The following LAMA2 variants were observed in gnomAD, a reference collection of about 807,000 sequenced individuals.
LAMA2 encodes laminin subunit alpha-2.
Under a neutral mutation model 364.8 loss-of-function variants are expected in LAMA2, and 269 were observed. That is an observed-to-expected ratio of 0.74 (90% confidence interval 0.67 to 0.82). LAMA2 has a LOEUF of 0.82. LAMA2 is among the 40% of genes least tolerant of loss of function. The pLI, the probability that LAMA2 is intolerant of heterozygous loss-of-function variation, is 0.00. For synonymous variants in LAMA2, 1,379 were observed against 1,370.6 expected (o/e 1.01, Z -0.14); for missense variants, 3,807 against 3,873.2 (o/e 0.98, Z 0.45).
rs878908587 is a variant in LAMA2, at chr6:129,465,089, C to T, written c.7156-56C>T. On this transcript the variant is annotated intron_variant, in intron 50 of 64. Coordinates refer to ENST00000421865, the MANE Select transcript of LAMA2 (RefSeq NM_000426.4). ...ACATAAACCACACAAGAAAAGTGAA[C>T]ACTCATATACTTCTCTGTGTATCTA... is the stretch of plus-strand genomic sequence containing the variant. 5.0e-6 allele frequency: 7 copies of T among 1,387,848 alleles called. No individual in the cohort carries two copies. The Admixed American group carries it at 1.0e-4, about 20-fold the overall frequency. The allele number at this position is 1,387,848 out of a possible 1,614,324, so 86.0% of individuals were successfully genotyped here.
intron 37 of LAMA2, among the ~76,000 whole-genome samples, chr6:129,399,785 C>T (rs1404407132): frequency 1.3e-5 from 2 of 151,960 alleles, no homozygotes; most frequent in African/African-American, 2.4e-5. Context: ...CTGAATTGGT[C>T]GGTGAAGGGA....
intron 1 of LAMA2, among the ~76,000 whole-genome samples, chr6:128,944,169 G>C (rs1384731332): frequency 6.6e-6 from 1 of 152,158 alleles, no homozygotes; most frequent in Non-Finnish European, 1.5e-5. Context: ...GTTTCTCAAA[G>C]AATAGTCTAT....
intron 35 of LAMA2, among the ~76,000 whole-genome samples, chr6:129,387,555 G>A (rs1385277178): frequency 6.6e-6 from 1 of 152,124 alleles, no homozygotes; most frequent in East Asian, 1.9e-4. Context: ...CCATAACTGG[G>A]TATATACCCA....
In LAMA2 at chr6:129,492,015, T is replaced by C. The variant is rs1784888951; in HGVS notation, c.8013T>C (p.Pro2671=). 1.2e-6 allele frequency: 2 copies of C among 1,614,000 alleles called. No individual in the cohort carries two copies. Among genetic ancestry groups the C allele is most frequent in the Admixed American group, 1.7e-5 (1 of 60,016 alleles). Residue 2671 remains proline, a synonymous_variant, in exon 57 of 65, where the codon CCT becomes CCC. Coordinates refer to ENST00000421865, the MANE Select transcript of LAMA2 (RefSeq NM_000426.4). ...GGGGTGCTCCACCTGAATTTCAACCTTCCCCACTCAGAAATATTCCTCCTT... is the reference window on the plus strand; with the variant it reads ...GGGGTGCTCCACCTGAATTTCAACCCTCCCCACTCAGAAATATTCCTCCTT... ...FVGGAPPEFQ[P]SPLRNIPPFE... is the part of the protein sequence containing the mutation.
chr6:129,079,389 T>C (rs1773885979), intron 3 of LAMA2, among the ~76,000 whole-genome samples: 2 of 73,300 alleles, frequency 2.7e-5, no homozygotes, highest in South Asian at 1.3e-3. Flanking sequence ...ATGAGGGTCT[T>C]AGGATGTATC....
chr6:129,410,427 A>T (rs545529962), intron 40 of LAMA2, among the ~76,000 whole-genome samples: 15 of 152,208 alleles, frequency 9.9e-5, no homozygotes, highest in African/African-American at 3.6e-4. Context: ...CATTTTGTAA[A>T]ACTTTCTCTC....
At chr6:128,963,722 A>G (rs955768154) in intron 1 of LAMA2, among the ~76,000 whole-genome samples, 7 of 152,082 alleles carry the variant, frequency 4.6e-5, no homozygotes, top group Non-Finnish European at 7.4e-5. Context: ...TGCTTTTCCT[A>G]TGGCCAAAAC....
chr6:128,887,638 G>T (rs760691343), intron 1 of LAMA2, among the ~76,000 whole-genome samples: 1 of 152,090 alleles, frequency 6.6e-6, no homozygotes, highest in South Asian at 2.1e-4. Context: ...GGAGGCCTAG[G>T]TGGGTGGATC....
At chr6:128,958,742 G>A (rs2114586973) in intron 1 of LAMA2, among the ~76,000 whole-genome samples, 1 of 152,208 alleles carries the variant, frequency 6.6e-6, no homozygotes, top group Non-Finnish European at 1.5e-5. Flanking sequence ...ACCTTTCGAA[G>A]AGTCAAATAA....
intron 56 of LAMA2, among the ~76,000 whole-genome samples, chr6:129,487,631 G>T (rs7740552): frequency 0.63 from 95,510 of 151,580 alleles, 31,067 homozygotes; most frequent in Non-Finnish European, 0.72. Context: ...TATCCTCTTG[G>T]GGAAAACATT....
intron 12 of LAMA2, among the ~76,000 whole-genome samples, chr6:129,205,647 C>T (rs1266946795): frequency 6.6e-6 from 1 of 151,722 alleles, no homozygotes; most frequent in Non-Finnish European, 1.5e-5. Context: ...ACACTCGTGC[C>T]ATCAAACACT....
chr6:129,231,358 A>G (rs1784658360), intron 12 of LAMA2, among the ~76,000 whole-genome samples: 1 of 152,130 alleles, frequency 6.6e-6, no homozygotes, highest in South Asian at 2.1e-4. Flanking sequence ...TGTATGGAGC[A>G]TTCATGCATA....
At chr6:129,387,852 T>G (rs1487815807) in intron 35 of LAMA2, among the ~76,000 whole-genome samples, 2 of 152,144 alleles carry the variant, frequency 1.3e-5, no homozygotes, top group African/African-American at 2.4e-5. Flanking sequence ...AGTTGAACAG[T>G]GAGAACACAT....
intron 32 of LAMA2, among the ~76,000 whole-genome samples, chr6:129,360,253 T>A (rs1034728789): frequency 6.6e-6 from 1 of 152,172 alleles, no homozygotes; most frequent in Non-Finnish European, 1.5e-5. Flanking sequence ...AATGTGAATA[T>A]TCCATGTCTC....
chr6:129,295,236 G>A (rs966228741), intron 20 of LAMA2, among the ~76,000 whole-genome samples: 3 of 151,946 alleles, frequency 2.0e-5, no homozygotes, highest in Non-Finnish European at 4.4e-5. Context: ...GGGTTGTCCT[G>A]AGGAGTAAAT....
intron 1 of LAMA2, among the ~76,000 whole-genome samples, chr6:128,931,956 G>A (rs1364655393): frequency 1.3e-5 from 2 of 151,950 alleles, no homozygotes; most frequent in African/African-American, 4.8e-5. Flanking sequence ...TTCTCCAACT[G>A]CTTTAAAAGC....
At position 128,987,262 on chromosome 6, in the gene LAMA2, C is replaced by G. The variant is rs372335249; in HGVS notation, c.113-62656C>G. 3.6e-4 allele frequency among the ~76,000 whole-genome samples: 55 copies of G among 150,908 alleles called. No homozygotes were observed. The East Asian group carries it at 9.0e-3, about 25-fold the overall frequency. ...TCAAGTGAGTCTTCTGCTTCAGCCT[C>G]CCTAGTAGCTAAGACTACAGGCGTG... On this transcript the variant is annotated intron_variant, in intron 1 of 64. Coordinates refer to ENST00000421865, the MANE Select transcript of LAMA2 (RefSeq NM_000426.4).
intron 1 of LAMA2, among the ~76,000 whole-genome samples, chr6:128,906,558 G>T (rs1279298389): frequency 1.3e-5 from 2 of 148,982 alleles, no homozygotes; most frequent in African/African-American, 5.0e-5. Flanking sequence ...TGAGTAGGTT[G>T]CGAAAATTTT....
At chr6:129,516,088 C>T in intron 64 of LAMA2, 102 bp from the exon 65 acceptor site, 3 of 1,255,722 alleles carry the variant, frequency 2.4e-6, no homozygotes, top group Admixed American at 1.7e-5. Context: ...CATAAAACAG[C>T]ATTCCAATTT....
Sources: allele counts gnomAD v4.1 joint callset (sites outside exome capture counted in the v4.1 genomes callset), GRCh38; gene constraint gnomAD v4.1.1; transcripts MANE v1.5; gene names NCBI Gene and HGNC (gene_info 2026-07-23, HGNC 2026-07-21).